Variants in NKAIN2 observed in about 807,000 individuals in gnomAD.
NKAIN2 encodes the protein sodium/potassium transporting ATPase interacting 2, also known as sodium/potassium-transporting ATPase subunit beta-1-interacting protein 2.
NKAIN2 carries 14 observed loss-of-function variants against 32.6 expected under a neutral mutation model. The observed-to-expected ratio is 0.43, with a 90% confidence interval of 0.28 to 0.67. The LOEUF is 0.67. Ranked by LOEUF, NKAIN2 falls within the 30% of genes least tolerant of loss-of-function variation. The pLI, the probability that NKAIN2 is intolerant of heterozygous loss-of-function variation, is 0.17. For missense variants in NKAIN2, 198 were observed against 258.3 expected, an observed-to-expected ratio of 0.77 and a Z score of 1.60; for synonymous variants, 80 against 87.2, an observed-to-expected ratio of 0.92 and a Z score of 0.46.
At chr6:124,563,859 G>T (rs1054746899) in intron 3 of NKAIN2, among the ~76,000 whole-genome samples, 1 of 152,118 alleles carries the variant, frequency 6.6e-6, no homozygotes, top group African/African-American at 2.4e-5. Flanking sequence ...GGGCTTCACT[G>T]GGCAATGAAG....
chr6:124,262,775 A>C (rs1301221533), intron 1 of NKAIN2, among the ~76,000 whole-genome samples: 1 of 152,108 alleles, frequency 6.6e-6, no homozygotes, highest in Non-Finnish European at 1.5e-5. Flanking sequence ...AAGACCAAAA[A>C]CTGGAAAACC....
At chr6:124,242,644 A>G (rs190482109) in intron 1 of NKAIN2, among the ~76,000 whole-genome samples, 1 of 152,216 alleles carries the variant, frequency 6.6e-6, no homozygotes, top group East Asian at 1.9e-4. Context: ...GAACCAACCC[A>G]GATGCCCATC....
At chr6:123,909,380 T>A (rs1271977161) in intron 1 of NKAIN2, among the ~76,000 whole-genome samples, 2 of 152,188 alleles carry the variant, frequency 1.3e-5, no homozygotes, top group Non-Finnish European at 2.9e-5. Flanking sequence ...GTGTGTGGAA[T>A]GATTCTGGGA....
At chr6:124,278,122 A>G (rs1043687943) in intron 1 of NKAIN2, among the ~76,000 whole-genome samples, 1 of 152,142 alleles carries the variant, frequency 6.6e-6, no homozygotes, top group Non-Finnish European at 1.5e-5. Flanking sequence ...ACCTGGAAAA[A>G]TGTCATTTTG....
At chr6:124,662,099 T>C (rs1350192887) in intron 4 of NKAIN2, among the ~76,000 whole-genome samples, 1 of 152,168 alleles carries the variant, frequency 6.6e-6, no homozygotes, top group Non-Finnish European at 1.5e-5. Context: ...CAGCAGCTGA[T>C]GGATAATGGA....
intron 3 of NKAIN2, among the ~76,000 whole-genome samples, chr6:124,499,071 G>A (rs1464495795): frequency 6.6e-6 from 1 of 151,928 alleles, no homozygotes; most frequent in Non-Finnish European, 1.5e-5. Flanking sequence ...TCCGGCCAAT[G>A]TACTTATCTT....
intron 1 of NKAIN2, among the ~76,000 whole-genome samples, chr6:123,934,122 A>G (rs1450180773): frequency 6.6e-6 from 1 of 152,172 alleles, no homozygotes; most frequent in African/African-American, 2.4e-5. Flanking sequence ...CAACTTCACA[A>G]GTGATTTTAT....
chr6:123,835,667 T>C (rs566122209), intron 1 of NKAIN2, among the ~76,000 whole-genome samples: 1 of 152,216 alleles, frequency 6.6e-6, no homozygotes, highest in Non-Finnish European at 1.5e-5. Flanking sequence ...ATAGCTGTTT[T>C]TCAGCTTGTA....
chr6:124,667,063 T>C (rs1157791803), intron 4 of NKAIN2, among the ~76,000 whole-genome samples: 1 of 152,164 alleles, frequency 6.6e-6, no homozygotes, highest in African/African-American at 2.4e-5. Context: ...CAGATAGAAC[T>C]GTGATTCTTA....
chr6:124,148,055 A>G (rs1787508739), intron 1 of NKAIN2, among the ~76,000 whole-genome samples: 1 of 151,974 alleles, frequency 6.6e-6, no homozygotes, highest in Non-Finnish European at 1.5e-5. Flanking sequence ...TCATTTCTTT[A>G]ATTCCTTTCT....
At chr6:124,423,600 A>G (rs62436337) in intron 3 of NKAIN2, among the ~76,000 whole-genome samples, 6,788 of 152,302 alleles carry the variant, frequency 0.045, 255 homozygotes, top group Non-Finnish European at 0.065. Flanking sequence ...CCAACATGAT[A>G]CTATTAAGTG....
chr6:124,769,272 TC>T (rs1433249762), intron 4 of NKAIN2, among the ~76,000 whole-genome samples: 1 of 152,146 alleles, frequency 6.6e-6, no homozygotes, highest in Non-Finnish European at 1.5e-5. Flanking sequence ...CCCTAGGCAG[TC>T]AGAACCAAAG....
At chr6:124,442,144 C>A (rs911207172) in intron 3 of NKAIN2, among the ~76,000 whole-genome samples, 1 of 152,024 alleles carries the variant, frequency 6.6e-6, no homozygotes, top group Admixed American at 6.6e-5. Flanking sequence ...TCAACTCTTC[C>A]CCTTCCAGAT....
chr6:124,687,753 C>T (rs1280294157), intron 4 of NKAIN2, among the ~76,000 whole-genome samples: 4 of 139,326 alleles, frequency 2.9e-5, no homozygotes, highest in Admixed American at 7.7e-5. Context: ...TACACACACA[C>T]ACACACACAC....
At chr6:124,566,074 G>T (rs1350684918) in intron 3 of NKAIN2, among the ~76,000 whole-genome samples, 1 of 150,614 alleles carries the variant, frequency 6.6e-6, no homozygotes, top group Non-Finnish European at 1.5e-5. Flanking sequence ...ACTGGAAAGA[G>T]ATTTGCACCA....
intron 3 of NKAIN2, among the ~76,000 whole-genome samples, chr6:124,405,202 G>A (rs1773796208): frequency 6.6e-6 from 1 of 152,150 alleles, no homozygotes; most frequent in Admixed American, 6.5e-5. Flanking sequence ...TGGGTACTAA[G>A]TTTTTGCAAA....
At chr6:124,344,399 T>A (rs1167442681) in intron 2 of NKAIN2, among the ~76,000 whole-genome samples, 1 of 151,868 alleles carries the variant, frequency 6.6e-6, no homozygotes, top group Non-Finnish European at 1.5e-5. Flanking sequence ...GGGGATGGCA[T>A]TGAATCTATA....
intron 3 of NKAIN2, among the ~76,000 whole-genome samples, chr6:124,363,412 T>C (rs1375278108): frequency 6.6e-6 from 1 of 152,178 alleles, no homozygotes; most frequent in Non-Finnish European, 1.5e-5. Flanking sequence ...CTTTACACCC[T>C]GTTGAATGCT....
At chr6:124,239,301 T>A (rs960574245) in intron 1 of NKAIN2, among the ~76,000 whole-genome samples, 2 of 151,666 alleles carry the variant, frequency 1.3e-5, no homozygotes. Flanking sequence ...ACAATAATAG[T>A]GGCAGGATCC....
Sources: gnomAD v4.1 joint callset for allele counts (sites outside exome capture counted in the v4.1 genomes callset) on GRCh38, gnomAD v4.1.1 for gene constraint, MANE v1.5 for transcripts, NCBI Gene and HGNC (gene_info 2026-07-23, HGNC 2026-07-21) for gene names.